CNTNAP2: variants seen among roughly 807,000 people sequenced by gnomAD.
CNTNAP2 encodes contactin-associated protein-like 2.
CNTNAP2 carries 98 observed loss-of-function variants against 155.2 expected under a neutral mutation model. The ratio of observed to expected loss-of-function variants is 0.63; its 90% CI spans 0.54 to 0.75. The LOEUF (loss-of-function observed/expected upper bound fraction) is 0.75. Among genes scored for constraint, CNTNAP2 ranks in the 30% least tolerant of loss-of-function variants. CNTNAP2 has a pLI of 0.00. For synonymous variants in CNTNAP2, 651 were observed against 631.2 expected (o/e 1.03, Z -0.47); for missense variants, 1,727 against 1,688.1 (o/e 1.02, Z -0.40).
At chr7:146,780,570 G>T (rs140402172) in intron 2 of CNTNAP2, among the ~76,000 whole-genome samples, 1 of 152,106 alleles carries the variant, frequency 6.6e-6, no homozygotes, top group East Asian at 1.9e-4. Context: ...TTTCTCTAAT[G>T]ACCAGTGATG....
intron 3 of CNTNAP2, among the ~76,000 whole-genome samples, chr7:146,847,467 A>C (rs1794779272): frequency 6.6e-6 from 1 of 152,168 alleles, no homozygotes; most frequent in Non-Finnish European, 1.5e-5. Flanking sequence ...CACTTACCTG[A>C]ATAGTATTTA....
intron 1 of CNTNAP2, among the ~76,000 whole-genome samples, chr7:146,334,430 C>T (rs993754972): frequency 1.1e-5 from 1 of 94,028 alleles, no homozygotes; most frequent in Non-Finnish European, 2.2e-5. Flanking sequence ...GACTCCGTCT[C>T]AAAAAAAAAA....
chr7:146,680,637 G>T (rs571480345), intron 1 of CNTNAP2, among the ~76,000 whole-genome samples: 1 of 152,126 alleles, frequency 6.6e-6, no homozygotes, highest in African/African-American at 2.4e-5. Flanking sequence ...ATATCATAGC[G>T]TATGTGTGAC....
At chr7:147,404,903 T>G (rs1796980186) in intron 10 of CNTNAP2, among the ~76,000 whole-genome samples, 1 of 152,156 alleles carries the variant, frequency 6.6e-6, no homozygotes, top group Admixed American at 6.5e-5. Flanking sequence ...CAAAAACATA[T>G]TCTTTTTTAA....
intron 3 of CNTNAP2, among the ~76,000 whole-genome samples, chr7:146,892,828 A>G (rs1795807440): frequency 6.6e-6 from 1 of 152,168 alleles, no homozygotes; most frequent in Admixed American, 6.5e-5. Flanking sequence ...TTTTACATTC[A>G]AATGATTCAA....
chr7:147,340,533 G>A (rs1214285008), intron 9 of CNTNAP2, among the ~76,000 whole-genome samples: 3 of 151,988 alleles, frequency 2.0e-5, no homozygotes, highest in Admixed American at 6.6e-5. Flanking sequence ...TATCTTGGTC[G>A]TGGACATGTT....
chr7:147,467,240 A>G (rs186265056), intron 10 of CNTNAP2, among the ~76,000 whole-genome samples: 21 of 152,320 alleles, frequency 1.4e-4, no homozygotes, highest in Admixed American at 1.4e-3. Context: ...TGATATAGTT[A>G]TATTTGTAAA....
At chr7:147,827,475 G>A (rs762746525) in intron 13 of CNTNAP2, among the ~76,000 whole-genome samples, 7 of 152,126 alleles carry the variant, frequency 4.6e-5, no homozygotes, top group Non-Finnish European at 8.8e-5. Context: ...TTGAGTAAAC[G>A]AATATTTTGC....
chr7:147,328,496 A>G (rs1265148785), intron 9 of CNTNAP2, among the ~76,000 whole-genome samples: 2 of 152,196 alleles, frequency 1.3e-5, no homozygotes, highest in Non-Finnish European at 2.9e-5. Flanking sequence ...AAGGACTGGG[A>G]CGACTGAATC....
At chr7:146,336,563 AC>A (rs1294421861) in intron 1 of CNTNAP2, among the ~76,000 whole-genome samples, 1 of 152,106 alleles carries the variant, frequency 6.6e-6, no homozygotes, top group East Asian at 1.9e-4. Context: ...AATTAATTGG[AC>A]TTTATCAAAA....
chr7:146,437,894 T>G (rs1262213037), intron 1 of CNTNAP2, among the ~76,000 whole-genome samples: 1 of 149,822 alleles, frequency 6.7e-6, no homozygotes, highest in Non-Finnish European at 1.5e-5. Flanking sequence ...TTTTTTTTTG[T>G]TTGTTTTTGT....
chr7:146,480,337 A>G (rs966222139), intron 1 of CNTNAP2, among the ~76,000 whole-genome samples: 1 of 152,198 alleles, frequency 6.6e-6, no homozygotes, highest in African/African-American at 2.4e-5. Flanking sequence ...GAATGATTTG[A>G]TTATAGGTAC....
intron 1 of CNTNAP2, among the ~76,000 whole-genome samples, chr7:146,271,368 A>G (rs996914526): frequency 6.6e-6 from 1 of 152,042 alleles, no homozygotes; most frequent in Non-Finnish European, 1.5e-5. Context: ...GATGTATCTA[A>G]TATTAGACTG....
At chr7:146,456,984 A>AT (rs1226195242) in intron 1 of CNTNAP2, among the ~76,000 whole-genome samples, 5 of 152,158 alleles carry the variant, frequency 3.3e-5, no homozygotes, top group Non-Finnish European at 1.5e-5. Context: ...TTTTTATGTA[A>AT]TTTAATTAAT....
chr7:146,999,838 G>A (rs1798388413), intron 3 of CNTNAP2, among the ~76,000 whole-genome samples: 1 of 152,010 alleles, frequency 6.6e-6, no homozygotes, highest in Non-Finnish European at 1.5e-5. Context: ...GACAGTTGCA[G>A]TATAACTTGA....
intron 1 of CNTNAP2, among the ~76,000 whole-genome samples, chr7:146,316,680 G>T (rs188304893): frequency 1.1e-4 from 16 of 152,208 alleles, no homozygotes; most frequent in Middle Eastern, 3.4e-3. Flanking sequence ...ATACGTTTAC[G>T]CAAAGGATAA....
intron 10 of CNTNAP2, among the ~76,000 whole-genome samples, chr7:147,451,416 A>G (rs6945627): frequency 0.21 from 32,074 of 152,056 alleles, 3,645 homozygotes; most frequent in East Asian, 0.36. Context: ...AGCTTCACAA[A>G]TTTCAGACAA....
chr7:148,259,080 G>A (rs1330591103), intron 20 of CNTNAP2, among the ~76,000 whole-genome samples: 1 of 145,932 alleles, frequency 6.9e-6, no homozygotes, highest in African/African-American at 2.5e-5. Context: ...GGAGACTGCA[G>A]CAGAACTGCT....
chr7:147,365,856 TTTTG>T (rs1323907852), intron 9 of CNTNAP2, among the ~76,000 whole-genome samples: 1 of 152,194 alleles, frequency 6.6e-6, no homozygotes, highest in Non-Finnish European at 1.5e-5. Context: ...GTTTCTTGAT[TTTTG>T]TTTGTCTGGA....
Sources: gnomAD v4.1 joint callset for allele counts (sites outside exome capture counted in the v4.1 genomes callset) on GRCh38, gnomAD v4.1.1 for gene constraint, MANE v1.5 for transcripts, NCBI Gene and HGNC (gene_info 2026-07-23, HGNC 2026-07-21) for gene names.